SIM1: variants seen among roughly 807,000 people sequenced by gnomAD.
The protein encoded by SIM1 is SIM bHLH transcription factor 1.
A neutral mutation model predicts 78.2 loss-of-function variants in SIM1; 18 were observed. That is an observed-to-expected ratio of 0.23 (90% CI 0.16 to 0.34). The LOEUF is 0.34. Among genes scored for constraint, SIM1 ranks in the 10% least tolerant of loss-of-function variants. SIM1 has a pLI of 1.00. For missense variants in SIM1, 939 were observed against 975.1 expected, an observed-to-expected ratio of 0.96 and a Z score of 0.49; for synonymous variants, 417 against 385.2, an observed-to-expected ratio of 1.08 and a Z score of -0.97.
chr6:100,412,408 G>A (rs560492528), intron 10 of SIM1, among the ~76,000 whole-genome samples: 5 of 151,180 alleles, frequency 3.3e-5, no homozygotes, highest in African/African-American at 9.7e-5. Flanking sequence ...GTGGTGGTGG[G>A]CGCCTGTAAT....
chr6:100,399,442 G>A (rs1187870232), intron 10 of SIM1, among the ~76,000 whole-genome samples: 1 of 152,040 alleles, frequency 6.6e-6, no homozygotes, highest in Non-Finnish European at 1.5e-5. Context: ...AATGACAAAA[G>A]CAGGAGTAGG....
In SIM1 at chr6:100,391,098, A is replaced by C. The variant is rs766582136; in HGVS notation, c.1571-7T>G. On this transcript the variant is annotated splice_polypyrimidine_tract_variant and splice_region_variant and intron_variant, in intron 11 of 11. Transcript: ENST00000369208. ...TCATCCCAATGACCTCGCCCTAAAA[A>C]TTAGAAAAAGTCAAAAGTAAGTGAT... The C allele has an allele frequency of 1.7e-5, 26 of 1,562,072 alleles. No individual in the cohort carries two copies. The East Asian group carries it at 5.9e-4, about 35-fold the overall frequency.
intron 9 of SIM1, among the ~76,000 whole-genome samples, chr6:100,426,878 G>T (rs1771744643): frequency 6.6e-6 from 1 of 152,188 alleles, no homozygotes; most frequent in Non-Finnish European, 1.5e-5. Context: ...AAAAGAGGTT[G>T]CCAGATTTCC....
intron 11 of SIM1, among the ~76,000 whole-genome samples, chr6:100,393,143 C>T (rs1296389666): frequency 6.6e-6 from 1 of 152,120 alleles, no homozygotes; most frequent in East Asian, 1.9e-4. Context: ...ACCGACTATT[C>T]AAGTCCACAT....
chr6:100,457,635 G>T lies in SIM1; in HGVS notation c.176-3791C>A, dbSNP rs1465211965. Among the ~76,000 whole-genome samples the T allele has an allele frequency of 2.0e-5, 3 of 152,288 alleles. No individual in the cohort carries two copies. In the East Asian group the frequency reaches 5.8e-4, roughly 29 times the overall value. ...CGCCTCCGCAGCCGAGCTCTTTAGA[G>T]AAAAAAAGAGAGGGAAATTGGTGCA... On this transcript the variant is annotated intron_variant, in intron 2 of 11. Coordinates refer to ENST00000369208, the MANE Select transcript of SIM1 (RefSeq NM_005068.3).
chr6:100,453,798 G>T lies in SIM1; in HGVS notation c.222C>A (p.Asp74Glu), dbSNP rs1015228948. The part of the protein sequence containing the change: ...WGHSSRTSPL[D>E]NVGRELGSHL... The stretch of plus-strand genomic sequence containing the variant: ...GGGAGCCCAGTTCTCGGCCAACGTT[G>T]TCCAGGGGGCTGGTCCGACTTGAGT... Residue 74 changes from aspartate to glutamate, a missense_variant, in exon 3 of 12, where the codon GAC becomes GAA. Physicochemically the swap from Asp to Glu is conservative, Grantham distance 45. This residue lies in a region of SIM1 where 121 missense variants were observed against 124.6 expected (regional missense o/e 0.97). Coordinates refer to ENST00000369208, the MANE Select transcript of SIM1 (RefSeq NM_005068.3). 14 of 1,612,224 alleles carry T rather than the reference G, an allele frequency of 8.7e-6. No homozygotes were observed. Among genetic ancestry groups the T allele is most frequent in the Admixed American group, 1.7e-5 (1 of 59,818 alleles).
At chr6:100,449,753 G>A (rs1772463011) in intron 4 of SIM1, 54 bp from the exon 5 acceptor site, 1 of 1,455,576 alleles carries the variant, frequency 6.9e-7, no homozygotes. Context: ...CCGGTGAAGG[G>A]ACTGAAAGAT....
intron 10 of SIM1, among the ~76,000 whole-genome samples, chr6:100,413,080 C>T (rs1018820605): frequency 2.6e-5 from 4 of 152,222 alleles, no homozygotes; most frequent in Non-Finnish European, 5.9e-5. Context: ...ACACATACCA[C>T]CACCACCACA....
chr6:100,450,773 G>A (rs1376672909), intron 3 of SIM1, among the ~76,000 whole-genome samples: 1 of 150,292 alleles, frequency 6.7e-6, no homozygotes, highest in Non-Finnish European at 1.5e-5. Context: ...TTCTATAATG[G>A]AAGGAGTAAT....
In SIM1 at chr6:100,386,386, A is replaced by G. The variant is rs1378570947; in HGVS notation, c.*3975T>C. The G allele has an allele frequency of 6.6e-6, 1 of 152,076 alleles. No homozygotes were observed. The highest frequency in any genetic ancestry group is 1.5e-5 in the Non-Finnish European group (1 of 67,928). The allele number at this position is 152,076 out of a possible 1,614,324, so 9.4% of individuals were successfully genotyped here. On this transcript the variant is annotated 3_prime_UTR_variant, in exon 12 of 12. Coordinates refer to ENST00000369208, the MANE Select transcript of SIM1 (RefSeq NM_005068.3). ...ACTGATAGATTGCACTGAATATCTT[A>G]GTAATATCCTACTCTTGAAAGAGAG...
chr6:100,462,147 C>G (rs1027168728), intron 2 of SIM1, among the ~76,000 whole-genome samples: 1 of 152,078 alleles, frequency 6.6e-6, no homozygotes, highest in African/African-American at 2.4e-5. Flanking sequence ...TCCTGCTCAT[C>G]CATTCATTTA....
intron 10 of SIM1, among the ~76,000 whole-genome samples, chr6:100,398,429 C>T (rs1047734341): frequency 5.3e-5 from 8 of 152,104 alleles, no homozygotes; most frequent in African/African-American, 1.9e-4. Context: ...CAATAACTCC[C>T]CATTCCGTCT....
chr6:100,434,669 G>T (rs779056338), intron 9 of SIM1, among the ~76,000 whole-genome samples: 1 of 152,156 alleles, frequency 6.6e-6, no homozygotes, highest in African/African-American at 2.4e-5. Flanking sequence ...TTCTAAGATC[G>T]CATTTTACCA....
chr6:100,463,189 T>G, intron 2 of SIM1, 105 bp downstream of exon 2: 1 of 979,494 alleles, frequency 1.0e-6, no homozygotes, highest in Non-Finnish European at 1.5e-6. Context: ...GCAAAATATA[T>G]ATGTAAATAT....
chr6:100,453,751 T>G lies in SIM1; in HGVS notation c.258+11A>C, dbSNP rs201852650. The stretch of plus-strand genomic sequence containing the variant: ...AAAGCTTATGTGTTGCCGGAAGACC[T>G]GCACCTGTACCTGGAGCAGATGGGA... On this transcript the variant is annotated intron_variant, in intron 3 of 11. Transcript: ENST00000369208. 1 of 1,603,786 alleles carries G rather than the reference T, an allele frequency of 6.2e-7. No homozygotes were observed. Among genetic ancestry groups the G allele is most frequent in the African/African-American group, 1.3e-5 (1 of 74,420 alleles).
chr6:100,447,347 C>A lies in SIM1; in HGVS notation c.919G>T (p.Val307Leu). 6.2e-7 allele frequency: 1 copy of A among 1,614,202 alleles called. No individual in the cohort carries two copies. The highest frequency in any genetic ancestry group is 8.5e-7 in the Non-Finnish European group (1 of 1,180,040). The stretch of plus-strand genomic sequence containing the variant: ...TGCACGATGGTCGCGTAGCTCTGCA[C>A]CCATACCCAGCCGCCGTGTTTCGCC... ...FLAKHGGWVW[V>L]QSYATIVHNS... The change falls in exon 9 of 12, where the codon GTG becomes TTG. Residue 307 changes from valine to leucine, a missense_variant. Val to Leu is a conservative substitution (Grantham distance 32, BLOSUM62 1). This residue lies in a region of SIM1 where 66 missense variants were observed against 108.4 expected (regional missense o/e 0.61). Transcript: ENST00000369208.
intron 4 of SIM1, 31 bp downstream of exon 4, chr6:100,450,236 T>A: frequency 6.4e-7 from 1 of 1,559,198 alleles, no homozygotes; most frequent in Non-Finnish European, 8.8e-7. Flanking sequence ...CTGTAAACAC[T>A]GCAGGTGGGA....
intron 2 of SIM1, among the ~76,000 whole-genome samples, chr6:100,454,143 G>A (rs905596765): frequency 6.6e-6 from 1 of 152,200 alleles, no homozygotes; most frequent in African/African-American, 2.4e-5. Flanking sequence ...GCACCCCACC[G>A]ATAACTTTCA....
Position 100,431,977 on chromosome 6 carries a change from C to T in SIM1, c.999-11019G>A, listed in dbSNP as rs114043622. Among the ~76,000 whole-genome samples the T allele has an allele frequency of 5.7e-3, 870 of 152,152 alleles. 8 individuals are homozygous for T. The highest frequency in any genetic ancestry group is 0.02 in the African/African-American group (842 of 41,498). ...TTGACAACATAGCAAGACCCCATCTCTATAAAAAATAAAAAACAATTAGCC... is the reference window on the plus strand; with the variant it reads ...TTGACAACATAGCAAGACCCCATCTTTATAAAAAATAAAAAACAATTAGCC... On this transcript the variant is annotated intron_variant, in intron 9 of 11. Coordinates refer to ENST00000369208, the MANE Select transcript of SIM1 (RefSeq NM_005068.3).
Sources: allele counts gnomAD v4.1 joint callset (sites outside exome capture counted in the v4.1 genomes callset), GRCh38; gene constraint gnomAD v4.1.1; regional missense constraint gnomAD v4.1.1; transcripts MANE v1.5; gene names NCBI Gene and HGNC (gene_info 2026-07-23, HGNC 2026-07-21).